The following BRAF variants were observed in gnomAD, a reference collection of about 807,000 sequenced individuals.
BRAF encodes serine/threonine-protein kinase B-raf.
In BRAF, 16 loss-of-function variants were observed where a neutral mutation model predicts 104.6. That is an observed-to-expected ratio of 0.15 (90% confidence interval 0.10 to 0.23). BRAF has a LOEUF of 0.23. Among genes scored for constraint, BRAF ranks in the 10% least tolerant of loss-of-function variants. BRAF has a pLI of 1.00. For missense variants in BRAF, 541 were observed against 937.3 expected, an observed-to-expected ratio of 0.58 and a Z score of 5.52; for synonymous variants, 310 against 341.6, an observed-to-expected ratio of 0.91 and a Z score of 1.02.
At chr7:140,787,158 G>A (rs1034463319) in intron 9 of BRAF, among the ~76,000 whole-genome samples, 2 of 149,336 alleles carry the variant, frequency 1.3e-5, no homozygotes, top group Non-Finnish European at 3.0e-5. Context: ...AAAATTAGCC[G>A]GGCGTGGTAG....
chr7:140,793,614 TG>T (rs1250908957), intron 8 of BRAF, among the ~76,000 whole-genome samples: 4 of 152,168 alleles, frequency 2.6e-5, no homozygotes, highest in African/African-American at 4.8e-5. Context: ...GCCAAGCTTA[TG>T]ATAGCACAAA....
At chr7:140,765,510 G>A (rs1562948680) in intron 14 of BRAF, among the ~76,000 whole-genome samples, 1 of 151,988 alleles carries the variant, frequency 6.6e-6, no homozygotes, top group African/African-American at 2.4e-5. Context: ...GAGTGAACAG[G>A]CAACCTACAA....
intron 1 of BRAF, among the ~76,000 whole-genome samples, chr7:140,897,060 T>C (rs1479222442): frequency 7.2e-6 from 1 of 138,454 alleles, no homozygotes; most frequent in Non-Finnish European, 1.6e-5. Flanking sequence ...AACCTAATTC[T>C]TTTTTTTTTT....
At chr7:140,799,888 G>A (rs1450369357) in intron 7 of BRAF, 1 of 307,972 alleles carries the variant, frequency 3.2e-6, no homozygotes, top group Non-Finnish European at 6.1e-6. Flanking sequence ...TGAACTCAAG[G>A]TGTAGACTCA....
chr7:140,742,995 G>C (rs1010233106), intron 17 of BRAF, among the ~76,000 whole-genome samples: 4 of 152,206 alleles, frequency 2.6e-5, no homozygotes, highest in African/African-American at 9.7e-5. Context: ...CTGGCCATCA[G>C]AGAAATGCAA....
downstream of BRAF, among the ~76,000 whole-genome samples, chr7:140,718,170 C>T (rs1390531227): frequency 6.6e-6 from 1 of 152,232 alleles, no homozygotes; most frequent in Non-Finnish European, 1.5e-5. Flanking sequence ...TCTCAGCTCA[C>T]TGCAACCTCC....
intron 8 of BRAF, among the ~76,000 whole-genome samples, chr7:140,792,083 T>C (rs760717738): frequency 1.3e-5 from 2 of 152,210 alleles, no homozygotes; most frequent in Non-Finnish European, 2.9e-5. Context: ...TAAGTATTCA[T>C]AAATAGTAGT....
chr7:140,775,042 C>T (rs1021095913), intron 14 of BRAF, among the ~76,000 whole-genome samples: 1 of 152,060 alleles, frequency 6.6e-6, no homozygotes, highest in African/African-American at 2.4e-5. Context: ...TCAGATGGAG[C>T]TATGCGTTAT....
intron 18 of BRAF, among the ~76,000 whole-genome samples, chr7:140,736,490 C>A (rs575486822): frequency 2.1e-4 from 32 of 150,238 alleles, no homozygotes; most frequent in Non-Finnish European, 4.3e-4. Flanking sequence ...TGCAATGGTG[C>A]GATCTCGGCT....
In BRAF at chr7:140,864,702, T is replaced by G. The variant is rs139542664; in HGVS notation, c.139-14490A>C. On this transcript the variant is annotated intron_variant, in intron 1 of 19. Transcript: ENST00000644969. Reference sequence around the variant, plus strand: ...AACACATAATAGTGGCTAGAAGACATTAGGAAAGGTAGGAATTGTATATCT... The same window carrying G: ...AACACATAATAGTGGCTAGAAGACAGTAGGAAAGGTAGGAATTGTATATCT... Among the ~76,000 whole-genome samples the G allele has an allele frequency of 4.8e-4, 73 of 152,288 alleles. 1 individual carries two copies. Among genetic ancestry groups the G allele is most frequent in the African/African-American group, 1.3e-3 (55 of 41,554 alleles).
downstream of BRAF, chr7:140,719,300 G>A: frequency 1.1e-6 from 1 of 884,944 alleles, no homozygotes. Flanking sequence ...GTTACTGAAT[G>A]TAATCGTGTT....
At chr7:140,746,895 C>T (rs967419800) in intron 17 of BRAF, among the ~76,000 whole-genome samples, 1 of 151,580 alleles carries the variant, frequency 6.6e-6, no homozygotes, top group African/African-American at 2.4e-5. Flanking sequence ...CCTAGTCTAC[C>T]TACCTGAGTC....
At chr7:140,844,039 A>G (rs879867243) in intron 2 of BRAF, among the ~76,000 whole-genome samples, 33 of 152,120 alleles carry the variant, frequency 2.2e-4, no homozygotes, top group Non-Finnish European at 4.0e-4. Context: ...AAAAATTAAA[A>G]AATTCTAGTT....
intron 2 of BRAF, among the ~76,000 whole-genome samples, chr7:140,846,067 T>A (rs980171377): frequency 6.6e-6 from 1 of 152,010 alleles, no homozygotes; most frequent in Non-Finnish European, 1.5e-5. Context: ...AGTAGGAATA[T>A]AAAACAGGGC....
chr7:140,918,256 G>T (rs535992216), intron 1 of BRAF, among the ~76,000 whole-genome samples: 87 of 152,282 alleles, frequency 5.7e-4, no homozygotes, highest in African/African-American at 1.8e-3. Context: ...CCAATTTCAT[G>T]GAAGACAATT....
intron 14 of BRAF, among the ~76,000 whole-genome samples, chr7:140,772,313 C>CAACAAT (rs1460320554): frequency 5.0e-5 from 7 of 139,110 alleles, no homozygotes; most frequent in African/African-American, 1.8e-4. Context: ...ACAACAACAA[C>CAACAAT]AAAGTTCAAT....
intron 3 of BRAF, among the ~76,000 whole-genome samples, chr7:140,830,009 T>C (rs1481475789): frequency 6.6e-6 from 1 of 152,234 alleles, no homozygotes; most frequent in Non-Finnish European, 1.5e-5. Flanking sequence ...TCTTTAGCTT[T>C]ACTTTCCAAA....
chr7:140,824,973 C>CTTT (rs201596326), intron 3 of BRAF, among the ~76,000 whole-genome samples: 4 of 139,910 alleles, frequency 2.9e-5, no homozygotes, highest in African/African-American at 1.1e-4. Context: ...GTTGTTTTTT[C>CTTT]TTTTTTTTTT....
At chr7:140,759,016 A>C (rs990884388) in intron 14 of BRAF, among the ~76,000 whole-genome samples, 1 of 152,250 alleles carries the variant, frequency 6.6e-6, no homozygotes, top group African/African-American at 2.4e-5. Flanking sequence ...TCATATAAAC[A>C]GAATCACCTG....
Sources: gnomAD v4.1 joint callset for allele counts (sites outside exome capture counted in the v4.1 genomes callset) on GRCh38, gnomAD v4.1.1 for gene constraint, MANE v1.5 for transcripts, NCBI Gene and HGNC (gene_info 2026-07-23, HGNC 2026-07-21) for gene names.